The following TENM1 variants were observed in gnomAD, a reference collection of about 807,000 sequenced individuals.
TENM1 encodes teneurin transmembrane protein 1.
In TENM1, 35 loss-of-function variants were observed where a neutral mutation model predicts 174.8. That is an observed-to-expected ratio of 0.20 (90% CI 0.15 to 0.27). The LOEUF is 0.27. TENM1 is among the 10% of genes least tolerant of loss of function. The pLI, the probability that TENM1 is intolerant of heterozygous loss-of-function variation, is 1.00. For missense variants in TENM1, 1,633 were observed against 2,130.1 expected, an observed-to-expected ratio of 0.77 and a Z score of 4.59; for synonymous variants, 781 against 798.7, an observed-to-expected ratio of 0.98 and a Z score of 0.37.
chrX:124,656,385 T>C (rs2051444740), intron 6 of TENM1, among the ~76,000 whole-genome samples: 1 of 112,641 alleles, frequency 8.9e-6, no homozygotes. Context: ...GGAGTACATA[T>C]GCATAAGTTA....
intron 18 of TENM1, among the ~76,000 whole-genome samples, chrX:124,506,469 T>G (rs1207953932): frequency 8.9e-6 from 1 of 111,814 alleles, no homozygotes; most frequent in Non-Finnish European, 1.9e-5. Context: ...ATATTACTTT[T>G]TTTCCCCAGC....
At chrX:124,941,827 A>G in intron 1 of TENM1, among the ~76,000 whole-genome samples, 1 of 111,927 alleles carries the variant, frequency 8.9e-6, no homozygotes, top group East Asian at 2.8e-4. Context: ...ATAAGGAAAA[A>G]GAGGTTTAGT....
chrX:124,755,141 C>T (rs1289236856), intron 3 of TENM1, among the ~76,000 whole-genome samples: 2 of 102,917 alleles, frequency 1.9e-5, no homozygotes, highest in African/African-American at 8.0e-5. Context: ...GTGTAGGTCA[C>T]TCAGGACTTG....
At chrX:124,649,607 A>G (rs966790880) in intron 8 of TENM1, among the ~76,000 whole-genome samples, 5 of 112,447 alleles carry the variant, frequency 4.4e-5, no homozygotes, top group African/African-American at 1.6e-4. Context: ...ATCCTGCTAC[A>G]GAGCAAGTTG....
intron 22 of TENM1, among the ~76,000 whole-genome samples, chrX:124,455,617 C>T (rs2061095656): frequency 9.0e-6 from 1 of 111,017 alleles, no homozygotes; most frequent in African/African-American, 3.3e-5. Context: ...GAGATGTGCT[C>T]GACATGTACG....
At chrX:124,383,968 A>G (rs1319630452) in exon 30 of TENM1, 1 of 1,211,677 alleles carries the variant, frequency 8.3e-7, no homozygotes, top group Non-Finnish European at 1.1e-6. Flanking sequence ...CACAGGCTAC[A>G]TAATATTCTT....
chrX:124,378,276 G>A (rs867252849), exon 32 of TENM1: 6 of 112,225 alleles, frequency 5.3e-5, no homozygotes, highest in Admixed American at 1.9e-4. Flanking sequence ...TTGCAAAAAC[G>A]TATAATTGCT....
exon 2 of TENM1, chrX:124,896,186 C>T: frequency 8.3e-7 from 1 of 1,211,323 alleles, no homozygotes; most frequent in Non-Finnish European, 1.1e-6. Context: ...AAACGCTGTG[C>T]ATGTCTGTTT....
intron 1 of TENM1, among the ~76,000 whole-genome samples, chrX:124,898,353 C>A (rs2057599160): frequency 9.0e-6 from 1 of 110,957 alleles, no homozygotes; most frequent in Admixed American, 9.7e-5. Flanking sequence ...AGTGAGGGTG[C>A]AAACTTATCA....
intron 3 of TENM1, among the ~76,000 whole-genome samples, chrX:124,893,327 G>A (rs766844365): frequency 6.3e-4 from 71 of 112,312 alleles, no homozygotes; most frequent in African/African-American, 2.2e-3. Context: ...ATAATCCATT[G>A]CATTCAACTA....
intron 11 of TENM1, among the ~76,000 whole-genome samples, chrX:124,583,027 T>C (rs913974579): frequency 1.8e-5 from 2 of 111,933 alleles, no homozygotes; most frequent in African/African-American, 3.2e-5. Flanking sequence ...ACAAAGCAGC[T>C]GGGAAGCTCG....
At chrX:124,636,402 T>C (rs888690537) in intron 11 of TENM1, among the ~76,000 whole-genome samples, 24 of 111,972 alleles carry the variant, frequency 2.1e-4, no homozygotes, top group African/African-American at 7.5e-4. Flanking sequence ...GCCTTTTGCC[T>C]GAGAGGCTGC....
the TENM1 span, among the ~76,000 whole-genome samples, chrX:125,128,063 C>G: frequency 9.0e-6 from 1 of 111,390 alleles, no homozygotes; most frequent in African/African-American, 3.3e-5. Flanking sequence ...ATATAAGAAA[C>G]AGCATCCAAC....
chrX:124,979,851 A>G, the TENM1 span, among the ~76,000 whole-genome samples: 1 of 111,980 alleles, frequency 8.9e-6, no homozygotes, highest in Non-Finnish European at 1.9e-5. Flanking sequence ...TAATGTGTGC[A>G]TCTTCTTTGG....
chrX:124,782,195 T>C (rs2054928549), intron 3 of TENM1, among the ~76,000 whole-genome samples: 1 of 111,839 alleles, frequency 8.9e-6, no homozygotes, highest in Non-Finnish European at 1.9e-5. Flanking sequence ...AATTCTCCAG[T>C]TGCATTTTAG....
At chrX:124,931,859 C>T (rs748685887) in intron 1 of TENM1, among the ~76,000 whole-genome samples, 9 of 103,934 alleles carry the variant, frequency 8.7e-5, no homozygotes, top group South Asian at 4.4e-4. Context: ...GGAGGGAGGA[C>T]GCCAAGCGCA....
At chrX:125,061,047 T>A in the TENM1 span, among the ~76,000 whole-genome samples, 1 of 107,696 alleles carries the variant, frequency 9.3e-6, no homozygotes, top group African/African-American at 3.5e-5. Context: ...CCTCATGTTT[T>A]TAATTTAATT....
At chrX:124,884,592 C>A (rs2057353761) in intron 3 of TENM1, among the ~76,000 whole-genome samples, 1 of 111,117 alleles carries the variant, frequency 9.0e-6, no homozygotes, top group Non-Finnish European at 1.9e-5. Flanking sequence ...CAGCCCATTC[C>A]AGCTGAGCAG....
the TENM1 span, among the ~76,000 whole-genome samples, chrX:125,151,804 C>T: frequency 9.0e-6 from 1 of 111,379 alleles, no homozygotes; most frequent in Non-Finnish European, 1.9e-5. Context: ...GTGAATGCTG[C>T]TAAATATCCT....
Sources: allele counts gnomAD v4.1 joint callset (sites outside exome capture counted in the v4.1 genomes callset), GRCh38; gene constraint gnomAD v4.1.1; transcripts MANE v1.5; gene names NCBI Gene and HGNC (gene_info 2026-07-23, HGNC 2026-07-21).